The following SLC8A1 variants were observed in gnomAD, a reference collection of about 807,000 sequenced individuals.
SLC8A1 encodes sodium/calcium exchanger 1.
Under a neutral mutation model 68.3 loss-of-function variants are expected in SLC8A1, and 18 were observed. That is an observed-to-expected ratio of 0.26 (90% CI 0.18 to 0.39). The LOEUF (loss-of-function observed/expected upper bound fraction) is 0.39. Ranked by LOEUF, SLC8A1 falls within the 10% of genes least tolerant of loss-of-function variation. The probability of loss-of-function intolerance (pLI) is 1.00; values close to 1 mark genes in which losing one functional copy is unlikely to be tolerated. For synonymous variants in SLC8A1, 475 were observed against 415.5 expected (o/e 1.14, Z -1.74); for missense variants, 985 against 1,156.7 (o/e 0.85, Z 2.15).
intron 2 of SLC8A1, among the ~76,000 whole-genome samples, chr2:40,212,355 G>A (rs982616058): frequency 1.4e-5 from 2 of 146,860 alleles, no homozygotes; most frequent in Non-Finnish European, 3.0e-5. Flanking sequence ...TGCGATCTTG[G>A]CTCACTGCAA....
intron 2 of SLC8A1, among the ~76,000 whole-genome samples, chr2:40,396,777 A>AAAAAAC (rs1320205950): frequency 6.8e-6 from 1 of 146,998 alleles, no homozygotes; most frequent in Admixed American, 6.8e-5. Flanking sequence ...AAAAAAAAAA[A>AAAAAAC]CAAGAGAAGT....
At chr2:40,411,064 G>T (rs1194957174) in intron 2 of SLC8A1, among the ~76,000 whole-genome samples, 1 of 152,020 alleles carries the variant, frequency 6.6e-6, no homozygotes. Flanking sequence ...CCAGCCTAAA[G>T]TTGTATGGCA....
At chr2:40,448,196 A>C (rs1476106420) in intron 1 of SLC8A1, among the ~76,000 whole-genome samples, 1 of 152,146 alleles carries the variant, frequency 6.6e-6, no homozygotes, top group Non-Finnish European at 1.5e-5. Flanking sequence ...GGTCTTCAAA[A>C]TATATATTGT....
At chr2:40,350,893 T>C (rs994384518) in intron 2 of SLC8A1, among the ~76,000 whole-genome samples, 3 of 152,088 alleles carry the variant, frequency 2.0e-5, no homozygotes, top group African/African-American at 7.2e-5. Context: ...TGCCATTTCA[T>C]AGGTAAGAAA....
intron 2 of SLC8A1, among the ~76,000 whole-genome samples, chr2:40,238,703 T>A (rs2060787979): frequency 6.6e-6 from 1 of 152,240 alleles, no homozygotes; most frequent in Admixed American, 6.5e-5. Context: ...TCCTTAAATC[T>A]GTATAGTCTA....
chr2:40,449,916 T>C (rs1702120814), intron 1 of SLC8A1, among the ~76,000 whole-genome samples: 1 of 152,180 alleles, frequency 6.6e-6, no homozygotes, highest in Admixed American at 6.5e-5. Flanking sequence ...CAACAACCAT[T>C]TTAAGGGGAC....
chr2:40,487,287 G>T (rs1458925434), intron 1 of SLC8A1, among the ~76,000 whole-genome samples: 1 of 152,012 alleles, frequency 6.6e-6, no homozygotes, highest in Non-Finnish European at 1.5e-5. Flanking sequence ...CTATTACTTA[G>T]ATTTTTCTCC....
At chr2:40,280,174 G>C (rs1374746220) in intron 2 of SLC8A1, among the ~76,000 whole-genome samples, 1 of 139,098 alleles carries the variant, frequency 7.2e-6, no homozygotes, top group East Asian at 2.1e-4. Flanking sequence ...GTGTAAACCT[G>C]ACTAAAATAT....
chr2:40,310,690 C>A (rs2073510516), intron 2 of SLC8A1, among the ~76,000 whole-genome samples: 1 of 152,058 alleles, frequency 6.6e-6, no homozygotes, highest in Non-Finnish European at 1.5e-5. Context: ...GGCTAAGAGA[C>A]CTCCCCTCAA....
chr2:40,233,308 G>A (rs1319994930), intron 2 of SLC8A1, among the ~76,000 whole-genome samples: 1 of 152,160 alleles, frequency 6.6e-6, no homozygotes, highest in African/African-American at 2.4e-5. Flanking sequence ...GTGTGAGATG[G>A]TATCTCATGG....
At chr2:40,214,880 T>C (rs191066147) in intron 2 of SLC8A1, among the ~76,000 whole-genome samples, 254 of 152,294 alleles carry the variant, frequency 1.7e-3, no homozygotes, top group Middle Eastern at 6.8e-3. Context: ...GGCTGTCTCA[T>C]CCCAAACTAC....
chr2:40,408,725 C>T (rs1009236506), intron 2 of SLC8A1, among the ~76,000 whole-genome samples: 4 of 152,098 alleles, frequency 2.6e-5, no homozygotes, highest in East Asian at 1.9e-4. Context: ...ACCTGTATTT[C>T]GAAGGGGCAC....
intron 2 of SLC8A1, among the ~76,000 whole-genome samples, chr2:40,306,228 C>G (rs1046198428): frequency 1.3e-5 from 2 of 152,192 alleles, no homozygotes; most frequent in African/African-American, 4.8e-5. Context: ...ATGCTCATGT[C>G]GAGCAGCAGC....
Position 40,442,149 on chromosome 2 carries a change from T to A in SLC8A1, c.-25+9755A>T, listed in dbSNP as rs373906044. Among the ~76,000 whole-genome samples the A allele has an allele frequency of 5.4e-4, 82 of 150,974 alleles. No homozygotes were observed. The East Asian group carries it at 0.011, about 21-fold the overall frequency. On this transcript the variant is annotated intron_variant, in intron 1 of 7. Coordinates refer to ENST00000406785, the Ensembl canonical transcript of SLC8A1. ...CACCAGCATGGCACATGTATACATATGTAACTAACCTGCACATTGTGCACA... is the reference window on the plus strand; with the variant it reads ...CACCAGCATGGCACATGTATACATAAGTAACTAACCTGCACATTGTGCACA...
At chr2:40,247,003 A>AAACTT (rs752078322) in intron 2 of SLC8A1, among the ~76,000 whole-genome samples, 6 of 152,188 alleles carry the variant, frequency 3.9e-5, no homozygotes, top group African/African-American at 1.4e-4. Context: ...ACATGTTAAG[A>AAACTT]AACTTAATAT....
rs963536583 is a variant in SLC8A1 at position 40,238,468 on chromosome 2, C to T, written c.1809-60613G>A. 1.1e-4 allele frequency among the ~76,000 whole-genome samples: 17 copies of T among 152,178 alleles called. No homozygotes were observed. In the East Asian group the frequency reaches 3.1e-3, roughly 28 times the overall value. ...AATGCTCGCCCTGCTTCGGCTCGCA[C>T]ACGGTGCGCGCACCCACTGACCTGT... On this transcript the variant is annotated intron_variant, in intron 2 of 7. Coordinates refer to ENST00000406785, the Ensembl canonical transcript of SLC8A1.
intron 4 of SLC8A1, among the ~76,000 whole-genome samples, chr2:40,170,045 G>A (rs1370015701): frequency 6.6e-6 from 1 of 152,214 alleles, no homozygotes; most frequent in Non-Finnish European, 1.5e-5. Context: ...AGGAAAGAGA[G>A]GCCATGGGAT....
chr2:40,432,920 C>T (rs192505382), intron 1 of SLC8A1, among the ~76,000 whole-genome samples: 173 of 152,102 alleles, frequency 1.1e-3, no homozygotes, highest in African/African-American at 4.0e-3. Flanking sequence ...CAAAATGGTA[C>T]AGAAGATATT....
At chr2:40,259,525 G>C (rs392325) in intron 2 of SLC8A1, among the ~76,000 whole-genome samples, 22,158 of 151,852 alleles carry the variant, frequency 0.15, 1,891 homozygotes, top group Admixed American at 0.29. Context: ...TCTGTGCCCA[G>C]GCTGGAGCAC....
Sources: allele counts gnomAD v4.1 joint callset (sites outside exome capture counted in the v4.1 genomes callset), GRCh38; gene constraint gnomAD v4.1.1; transcripts MANE v1.5; gene names NCBI Gene and HGNC (gene_info 2026-07-23, HGNC 2026-07-21).